CTNNA3: variants seen among roughly 807,000 people sequenced by gnomAD.
CTNNA3 encodes the protein catenin alpha 3.
Under a neutral mutation model 95.7 loss-of-function variants are expected in CTNNA3, and 76 were observed. The observed-to-expected ratio is 0.79, with a 90% CI of 0.66 to 0.96. The LOEUF is 0.96. Ranked by LOEUF, CTNNA3 falls within the 40% of genes least tolerant of loss-of-function variation. The pLI, the probability that CTNNA3 is intolerant of heterozygous loss-of-function variation, is 0.00. For missense variants in CTNNA3, 1,191 were observed against 1,089.8 expected, an observed-to-expected ratio of 1.09 and a Z score of -1.31; for synonymous variants, 431 against 374.4, an observed-to-expected ratio of 1.15 and a Z score of -1.74.
chr10:66,202,360 G>C (rs573393639), intron 13 of CTNNA3, among the ~76,000 whole-genome samples: 1 of 152,274 alleles, frequency 6.6e-6, no homozygotes, highest in South Asian at 2.1e-4. Context: ...GTGGCCAACT[G>C]TTGTTAGAAT....
At chr10:66,890,624 G>A (rs1052465246) in intron 7 of CTNNA3, among the ~76,000 whole-genome samples, 3 of 152,064 alleles carry the variant, frequency 2.0e-5, no homozygotes, top group Non-Finnish European at 2.9e-5. Flanking sequence ...GTTGAAGAGT[G>A]AATGGTGTAT....
intron 7 of CTNNA3, among the ~76,000 whole-genome samples, chr10:67,027,318 GAC>G (rs1356881449): frequency 2.0e-5 from 3 of 152,010 alleles, no homozygotes; most frequent in African/African-American, 7.2e-5. Flanking sequence ...TTTTACATCT[GAC>G]ATTCAACTGA....
At chr10:66,236,224 T>C (rs934990596) in intron 13 of CTNNA3, among the ~76,000 whole-genome samples, 10 of 152,300 alleles carry the variant, frequency 6.6e-5, no homozygotes, top group African/African-American at 2.2e-4. Context: ...AGTTTTCTTA[T>C]GAATAAAGTA....
intron 5 of CTNNA3, among the ~76,000 whole-genome samples, chr10:67,324,446 A>C (rs1320137455): frequency 6.6e-6 from 1 of 152,176 alleles, no homozygotes; most frequent in African/African-American, 2.4e-5. Flanking sequence ...TTTTAACATG[A>C]AGGAATGTTG....
At chr10:67,448,536 TA>T (rs1846841120) in intron 5 of CTNNA3, among the ~76,000 whole-genome samples, 1 of 151,982 alleles carries the variant, frequency 6.6e-6, no homozygotes, top group Non-Finnish European at 1.5e-5. Context: ...AAAAAACTCC[TA>T]ATCAAAGAAG....
intron 10 of CTNNA3, among the ~76,000 whole-genome samples, chr10:66,556,393 C>T (rs117811792): frequency 2.8e-4 from 42 of 152,032 alleles, no homozygotes; most frequent in East Asian, 3.9e-4. Flanking sequence ...ATCAGTATCG[C>T]GAAGAGATTT....
intron 15 of CTNNA3, among the ~76,000 whole-genome samples, chr10:66,038,413 T>A (rs1275390749): frequency 6.6e-6 from 1 of 152,176 alleles, no homozygotes; most frequent in Non-Finnish European, 1.5e-5. Context: ...CGTGGCTGCA[T>A]TGCTGATACC....
intron 7 of CTNNA3, among the ~76,000 whole-genome samples, chr10:67,118,355 C>G (rs12243544): frequency 0.022 from 3,282 of 151,986 alleles, 98 homozygotes; most frequent in African/African-American, 0.069. Flanking sequence ...CTCCGATATC[C>G]ATTCACTGGC....
chr10:66,158,484 T>C (rs142847443), intron 13 of CTNNA3, among the ~76,000 whole-genome samples: 4,680 of 152,248 alleles, frequency 0.031, 122 homozygotes, highest in Non-Finnish European at 0.042. Flanking sequence ...TTCTGGGTTC[T>C]CTATTCTGTT....
intron 5 of CTNNA3, among the ~76,000 whole-genome samples, chr10:67,382,208 T>C (rs1843975135): frequency 6.6e-6 from 1 of 152,180 alleles, no homozygotes; most frequent in Non-Finnish European, 1.5e-5. Flanking sequence ...ATTCTTGAAA[T>C]GTCTACTAAG....
chr10:66,833,912 T>C (rs1842809119), intron 7 of CTNNA3, among the ~76,000 whole-genome samples: 1 of 152,138 alleles, frequency 6.6e-6, no homozygotes, highest in Admixed American at 6.6e-5. Context: ...CCTAAGAAGC[T>C]TTTACCCATC....
intron 1 of CTNNA3, among the ~76,000 whole-genome samples, chr10:67,660,267 A>C (rs1840140852): frequency 6.6e-6 from 1 of 152,216 alleles, no homozygotes; most frequent in Non-Finnish European, 1.5e-5. Flanking sequence ...ACACATGTTA[A>C]ATATCCTCTC....
intron 5 of CTNNA3, among the ~76,000 whole-genome samples, chr10:67,377,254 G>A (rs1340601416): frequency 6.6e-6 from 1 of 152,290 alleles, no homozygotes; most frequent in East Asian, 1.9e-4. Context: ...AAAACCTTCT[G>A]TACTAGAAAG....
At chr10:66,204,767 C>T (rs1239630361) in intron 13 of CTNNA3, among the ~76,000 whole-genome samples, 1 of 152,170 alleles carries the variant, frequency 6.6e-6, no homozygotes, top group African/African-American at 2.4e-5. Flanking sequence ...AGTCTGAGTA[C>T]AGGAACTACA....
chr10:67,539,005 C>G (rs770561792), intron 4 of CTNNA3, among the ~76,000 whole-genome samples: 1 of 152,138 alleles, frequency 6.6e-6, no homozygotes, highest in African/African-American at 2.4e-5. Flanking sequence ...AAATACATGT[C>G]TACATTTTCC....
chr10:66,296,096 T>C (rs1402117416), intron 12 of CTNNA3, among the ~76,000 whole-genome samples: 2 of 152,202 alleles, frequency 1.3e-5, no homozygotes, highest in African/African-American at 4.8e-5. Flanking sequence ...TTTCTATTTT[T>C]ACTTCAACCA....
chr10:66,258,814 CT>C (rs1413227060), intron 13 of CTNNA3, among the ~76,000 whole-genome samples: 1 of 152,178 alleles, frequency 6.6e-6, no homozygotes, highest in Non-Finnish European at 1.5e-5. Context: ...CTTTGCTTCA[CT>C]GCTAATTACC....
At chr10:66,539,409 G>A (rs117086481) in intron 10 of CTNNA3, among the ~76,000 whole-genome samples, 2,352 of 152,206 alleles carry the variant, frequency 0.015, 31 homozygotes, top group Non-Finnish European at 0.022. Flanking sequence ...ATGTCTCTGG[G>A]TAGGTGGAGG....
chr10:67,094,327 C>T (rs1013352658), intron 7 of CTNNA3, among the ~76,000 whole-genome samples: 1 of 151,726 alleles, frequency 6.6e-6, no homozygotes, highest in African/African-American at 2.4e-5. Flanking sequence ...ATAGCATAGC[C>T]TTTTAATGTC....
Sources: allele counts gnomAD v4.1 joint callset (sites outside exome capture counted in the v4.1 genomes callset), GRCh38; gene constraint gnomAD v4.1.1; transcripts MANE v1.5; gene names NCBI Gene and HGNC (gene_info 2026-07-23, HGNC 2026-07-21).